The following TPM1 variants were observed in gnomAD, a reference collection of about 807,000 sequenced individuals.
TPM1 encodes the protein tropomyosin 1.
Under a neutral mutation model 42.9 loss-of-function variants are expected in TPM1, and 24 were observed. The ratio of observed to expected loss-of-function variants is 0.56; its 90% CI spans 0.41 to 0.79. TPM1 has a LOEUF of 0.79. Ranked by LOEUF, TPM1 falls within the 30% of genes least tolerant of loss-of-function variation. The pLI, the probability that TPM1 is intolerant of heterozygous loss-of-function variation, is 0.00. For missense variants in TPM1, 158 were observed against 351.8 expected, an observed-to-expected ratio of 0.45 and a Z score of 4.41; for synonymous variants, 136 against 130.1, an observed-to-expected ratio of 1.05 and a Z score of -0.31.
chr15:63,061,678 C>G, intron 5 of TPM1, 35 bp from the exon 6 acceptor site: 1 of 1,602,086 alleles, frequency 6.2e-7, no homozygotes, highest in South Asian at 1.1e-5. Context: ...TTTGGCTTGT[C>G]TCCCACCCTT....
intron 4 of TPM1, 69 bp from the exon 5 acceptor site, chr15:63,060,800 C>T (rs960748795): frequency 1.3e-6 from 2 of 1,554,324 alleles, no homozygotes; most frequent in African/African-American, 2.7e-5. Context: ...CTGATCTCTA[C>T]CCCCATGCCC....
intron 2 of TPM1, chr15:63,054,484 C>T (rs1456987504): frequency 6.6e-6 from 1 of 152,172 alleles, no homozygotes; most frequent in East Asian, 1.9e-4. Context: ...GGTGCTGTTT[C>T]CTTCCTTTCT....
At chr15:63,044,343 C>A in intron 2 of TPM1, 191 bp downstream of exon 2, 1 of 806,444 alleles carries the variant, frequency 1.2e-6, no homozygotes, top group Non-Finnish European at 2.0e-6. Flanking sequence ...ATTTCATCCA[C>A]TCCTCTCTTC....
At chr15:63,070,618 T>C, downstream of TPM1, 1 of 1,008,640 alleles carries the variant, frequency 9.9e-7, no homozygotes. Flanking sequence ...AAATAAATCA[T>C]TTTAAAAGTT....
At chr15:63,057,142 T>C (rs563897793) in intron 3 of TPM1, 24 bp downstream of exon 3, 1 of 1,613,694 alleles carries the variant, frequency 6.2e-7, no homozygotes, top group South Asian at 1.1e-5. Flanking sequence ...ATCAGCCATC[T>C]TTTGCAGCTG....
chr15:63,061,493 C>A, intron 5 of TPM1: 1 of 721,122 alleles, frequency 1.4e-6, no homozygotes, highest in Non-Finnish European at 2.4e-6. Flanking sequence ...TATCGCACTT[C>A]AAAGTTGTTG....
chr15:63,060,523 C>T (rs2035469970), intron 4 of TPM1, among the ~76,000 whole-genome samples: 2 of 152,176 alleles, frequency 1.3e-5, no homozygotes, highest in South Asian at 4.1e-4. Flanking sequence ...GCAGCCCCCA[C>T]CTTTTTAGTA....
Position 63,064,131 on chromosome 15 carries a change from T to C in TPM1, c.840T>C (p.Asp280=), listed in dbSNP as rs749271066. The C allele has an allele frequency of 2.8e-5, 45 of 1,613,878 alleles. No homozygotes were observed. The highest frequency in any genetic ancestry group is 3.7e-5 in the Non-Finnish European group (44 of 1,179,972). ...AGGAGCTGGACCACGCTCTCAACGA[T>C]ATGACTTCCATGTAAACGTTCATCC... ...ISEELDHALN[D]MTSI is the part of the protein sequence containing the mutation. Residue 280 remains aspartate (D), a synonymous_variant, in exon 9 of 10, where the codon GAT becomes GAC. Transcript: ENST00000403994.
intron 4 of TPM1, 39 bp from the exon 5 acceptor site, chr15:63,060,830 C>A (rs752929463): frequency 6.2e-7 from 1 of 1,612,118 alleles, no homozygotes; most frequent in South Asian, 1.1e-5. Context: ...ACAAAGCTTG[C>A]AAGACCCATG....
At chr15:63,056,906 A>G (rs2034892271) in intron 2 of TPM1, 79 bp from the exon 3 acceptor site, 3 of 1,596,518 alleles carry the variant, frequency 1.9e-6, no homozygotes, top group Non-Finnish European at 2.6e-6. Flanking sequence ...TGAAATCAGC[A>G]TTGCAGTCCC....
chr15:63,057,225 T>G, intron 3 of TPM1, 107 bp downstream of exon 3: 4 of 1,485,580 alleles, frequency 2.7e-6, no homozygotes, highest in Non-Finnish European at 3.7e-6. Flanking sequence ...CCCCTGGTGG[T>G]GGGATCATTT....
intron 2 of TPM1, among the ~76,000 whole-genome samples, chr15:63,051,581 T>C (rs546029110): frequency 6.6e-6 from 1 of 152,158 alleles, no homozygotes; most frequent in African/African-American, 2.4e-5. Context: ...GGCAGAAGTT[T>C]AGCTTGGCTG....
chr15:63,070,070 G>GA, downstream of TPM1: 2 of 1,546,894 alleles, frequency 1.3e-6, no homozygotes, highest in Non-Finnish European at 1.7e-6. Context: ...CAAATGCAAG[G>GA]AATTGGCTGA....
intron 8 of TPM1, chr15:63,063,083 G>A (rs1596389208): frequency 3.1e-6 from 3 of 979,422 alleles, no homozygotes; most frequent in South Asian, 9.5e-5. Context: ...GTTATTTTAA[G>A]TCATATATTA....
chr15:63,063,930 G>A (rs566853087), intron 8 of TPM1, 134 bp from the exon 9 acceptor site: 14 of 1,325,578 alleles, frequency 1.1e-5, no homozygotes, highest in African/African-American at 1.5e-5. Context: ...CACCTGCTGC[G>A]GCACCAACCC....
At chr15:63,063,775 C>T (rs1342813244) in intron 8 of TPM1, 6 of 355,288 alleles carry the variant, frequency 1.7e-5, no homozygotes, top group African/African-American at 1.0e-4. Context: ...GTTTCGTTTA[C>T]AATTTAACAT....
chr15:63,048,309 G>A, intron 2 of TPM1: 1 of 917,260 alleles, frequency 1.1e-6, no homozygotes, highest in Non-Finnish European at 1.6e-6. Flanking sequence ...CCGCCGCCGC[G>A]AGCATGCGCA....
chr15:63,064,172 A>G, intron 9 of TPM1, 30 bp downstream of exon 9: 1 of 1,608,244 alleles, frequency 6.2e-7, no homozygotes, highest in Non-Finnish European at 8.5e-7. Context: ...GCCTGCTTAC[A>G]CCCTGCCCTC....
At chr15:63,043,582 T>C in intron 1 of TPM1, 2 of 1,455,350 alleles carry the variant, frequency 1.4e-6, no homozygotes, top group Non-Finnish European at 9.3e-7. Flanking sequence ...CCTCGGGTCC[T>C]TTGCACTCCA....
Sources: allele counts gnomAD v4.1 joint callset (sites outside exome capture counted in the v4.1 genomes callset), GRCh38; gene constraint gnomAD v4.1.1; transcripts MANE v1.5; gene names NCBI Gene and HGNC (gene_info 2026-07-23, HGNC 2026-07-21).